The following ATOSB variants were observed in gnomAD, a reference collection of about 807,000 sequenced individuals.
ATOSB encodes atos homolog protein B.
At chr9:35,106,849 C>T in the ATOSB span, 1 of 1,571,732 alleles carries the variant, frequency 6.4e-7, no homozygotes, top group East Asian at 2.4e-5. This position sits in a 1 kb window ranked among gnomAD's most constrained non-coding sequence, Gnocchi z 4.6. Flanking sequence ...AGGCGACGGG[C>T]TCCTTTCAGC....
chr9:35,108,568 T>G, the ATOSB span: 29 of 1,187,896 alleles, frequency 2.4e-5, no homozygotes, highest in Middle Eastern at 3.4e-4. Context: ...CTGGACACAC[T>G]TCCCCCTCTT....
the ATOSB span, chr9:35,106,121 G>C: frequency 6.6e-7 from 1 of 1,509,392 alleles, no homozygotes; most frequent in South Asian, 1.2e-5. The surrounding 1 kb of genome is among the most constrained non-coding windows in gnomAD (Gnocchi z 4.6). Context: ...CCCTACAGTA[G>C]AGTTCTCCTC....
chr9:35,108,081 G>T, the ATOSB span: 1 of 1,539,524 alleles, frequency 6.5e-7, no homozygotes, highest in Non-Finnish European at 8.7e-7. Flanking sequence ...TCGTTTCAGG[G>T]CCCTATGAGG....
chr9:35,104,532 G>A, the ATOSB span: 10 of 233,278 alleles, frequency 4.3e-5, no homozygotes, highest in Non-Finnish European at 1.0e-4. Flanking sequence ...ACCCCTGTGT[G>A]TGTGCATACA....
the ATOSB span, among the ~76,000 whole-genome samples, chr9:35,111,929 A>C: frequency 6.6e-6 from 1 of 152,170 alleles, no homozygotes. Context: ...TCCTCCTTCC[A>C]GGACGGTTAA....
chr9:35,111,906 A>C, the ATOSB span, among the ~76,000 whole-genome samples: 38 of 151,234 alleles, frequency 2.5e-4, 1 homozygote, highest in East Asian at 7.3e-3. Context: ...CCTCCGCCCT[A>C]CTCCCCCGCC....
At chr9:35,111,778 G>A in the ATOSB span, among the ~76,000 whole-genome samples, 66 of 152,310 alleles carry the variant, frequency 4.3e-4, no homozygotes, top group African/African-American at 1.6e-3. Context: ...CCATAAGGGG[G>A]TAGGCTTACC....
At chr9:35,104,643 G>T in the ATOSB span, 1 of 428,124 alleles carries the variant, frequency 2.3e-6, no homozygotes, top group Non-Finnish European at 4.9e-6. Context: ...GGGAAGTGAA[G>T]GGACTGGGGA....
the ATOSB span, chr9:35,107,430 G>A: frequency 1.2e-6 from 2 of 1,614,066 alleles, no homozygotes. Context: ...GAAGGGTGTG[G>A]CTTTGGCATC....
the ATOSB span, chr9:35,105,321 A>T: frequency 6.2e-7 from 1 of 1,614,104 alleles, no homozygotes; most frequent in Non-Finnish European, 8.5e-7. This position sits in a 1 kb window ranked among gnomAD's most constrained non-coding sequence, Gnocchi z 5.5. Flanking sequence ...GCGGGAAAAA[A>T]GCAGGCGGAT....
the ATOSB span, chr9:35,105,674 C>T: frequency 1.9e-6 from 3 of 1,613,068 alleles, no homozygotes; most frequent in Non-Finnish European, 2.5e-6. The surrounding 1 kb of genome is among the most constrained non-coding windows in gnomAD (Gnocchi z 5.5). Context: ...CCTGGGCCCT[C>T]TCCTCACCTG....
At chr9:35,104,585 A>T in the ATOSB span, 2 of 388,976 alleles carry the variant, frequency 5.1e-6, no homozygotes, top group African/African-American at 4.3e-5. Flanking sequence ...AAGCTTGTGC[A>T]CACACACATA....
At chr9:35,106,993 G>A in the ATOSB span, 3 of 1,030,456 alleles carry the variant, frequency 2.9e-6, no homozygotes, top group African/African-American at 4.8e-5. The surrounding 1 kb of genome is among the most constrained non-coding windows in gnomAD (Gnocchi z 4.6). Flanking sequence ...TGCCCCCCAG[G>A]CCTCCACCTT....
the ATOSB span, among the ~76,000 whole-genome samples, chr9:35,115,318 C>A: frequency 1.1e-4 from 17 of 152,142 alleles, no homozygotes; most frequent in South Asian, 8.3e-4. Context: ...CTCTTCACCC[C>A]ACTAACCCCA....
At chr9:35,105,217 G>C in the ATOSB span, 1 of 1,608,760 alleles carries the variant, frequency 6.2e-7, no homozygotes, top group South Asian at 1.1e-5. The surrounding 1 kb of genome is among the most constrained non-coding windows in gnomAD (Gnocchi z 5.5). Flanking sequence ...CAGAGTGCTG[G>C]CAATCAGGGC....
chr9:35,113,411 C>A, the ATOSB span, among the ~76,000 whole-genome samples: 2 of 152,082 alleles, frequency 1.3e-5, no homozygotes, highest in African/African-American at 4.8e-5. Context: ...GGATCACAAG[C>A]TCAGGAGTTC....
chr9:35,108,472 T>C, the ATOSB span: 2 of 1,328,200 alleles, frequency 1.5e-6, no homozygotes, highest in Non-Finnish European at 2.0e-6. Context: ...AGGATGAATG[T>C]GTACAAATCC....
At chr9:35,106,901 G>T in the ATOSB span, 50 of 1,564,536 alleles carry the variant, frequency 3.2e-5, no homozygotes, top group African/African-American at 3.8e-4. The surrounding 1 kb of genome is among the most constrained non-coding windows in gnomAD (Gnocchi z 4.6). Flanking sequence ...CCTACGGAGA[G>T]AAATGATTGG....
the ATOSB span, chr9:35,107,470 G>A: frequency 6.2e-7 from 1 of 1,611,148 alleles, no homozygotes; most frequent in Admixed American, 1.7e-5. Context: ...GGGTGGCCCA[G>A]GGATCCCCGG....
Sources: gnomAD v4.1 joint callset for allele counts (sites outside exome capture counted in the v4.1 genomes callset) on GRCh38, gnomAD v4.1.1 for gene constraint, Gnocchi (gnomAD v3.1) non-coding constraint, MANE v1.5 for transcripts, NCBI Gene and HGNC (gene_info 2026-07-23, HGNC 2026-07-21) for gene names.